Variants in IGSF21 observed in about 807,000 individuals in gnomAD.
IGSF21 encodes immunoglobulin superfamily member 21.
In IGSF21, 28 loss-of-function variants were observed where a neutral mutation model predicts 46.8. The ratio of observed to expected loss-of-function variants is 0.60; its 90% confidence interval spans 0.44 to 0.82. The LOEUF (loss-of-function observed/expected upper bound fraction) is 0.82, where lower values mean the gene tolerates loss of function less well. Ranked by LOEUF, IGSF21 falls within the 40% of genes least tolerant of loss-of-function variation. The probability of loss-of-function intolerance (pLI) is 0.00; values close to 1 mark genes in which losing one functional copy is unlikely to be tolerated. For missense variants in IGSF21, 624 were observed against 665.5 expected (o/e 0.94, Z 0.69); for synonymous variants, 284 against 273.6 (o/e 1.04, Z -0.38).
At chr1:18,330,956 G>A (rs851444) in intron 3 of IGSF21, among the ~76,000 whole-genome samples, 77,038 of 151,982 alleles carry the variant, frequency 0.51, 19,740 homozygotes, top group South Asian at 0.61. Flanking sequence ...CCCGAAATCC[G>A]TAGTTCACAG....
At chr1:18,321,808 T>G (rs746029454) in intron 3 of IGSF21, among the ~76,000 whole-genome samples, 7 of 152,180 alleles carry the variant, frequency 4.6e-5, no homozygotes, top group Non-Finnish European at 8.8e-5. Flanking sequence ...GTAGCAGGTA[T>G]CAGCTCTGGA....
chr1:18,143,755 T>G (rs1007594370), intron 1 of IGSF21, among the ~76,000 whole-genome samples: 1 of 152,144 alleles, frequency 6.6e-6, no homozygotes, highest in East Asian at 1.9e-4. Flanking sequence ...TGCCTTCCCT[T>G]CTATGTCTCT....
At chr1:18,303,083 C>A (rs1289406394) in intron 3 of IGSF21, among the ~76,000 whole-genome samples, 1 of 152,134 alleles carries the variant, frequency 6.6e-6, no homozygotes, top group Non-Finnish European at 1.5e-5. Context: ...GCCTGGGGCC[C>A]CCAACCACCA....
chr1:18,338,628 C>T (rs572402173), intron 4 of IGSF21, among the ~76,000 whole-genome samples: 10 of 152,292 alleles, frequency 6.6e-5, no homozygotes, highest in African/African-American at 2.4e-4. Context: ...CACATTCTAA[C>T]GCGGCCATTT....
chr1:18,309,666 C>T (rs1438509101), intron 3 of IGSF21, among the ~76,000 whole-genome samples: 1 of 152,176 alleles, frequency 6.6e-6, no homozygotes, highest in Admixed American at 6.5e-5. Flanking sequence ...TTCTCTCCAC[C>T]GCCTCTAGCC....
chr1:18,117,018 C>A (rs552545288), intron 1 of IGSF21, among the ~76,000 whole-genome samples: 10 of 152,144 alleles, frequency 6.6e-5, no homozygotes, highest in Non-Finnish European at 1.3e-4. Context: ...GCTAGGAAAG[C>A]GGTCTGGATT....
intron 1 of IGSF21, among the ~76,000 whole-genome samples, chr1:18,175,657 G>A (rs1335026663): frequency 3.3e-5 from 5 of 152,070 alleles, no homozygotes; most frequent in African/African-American, 1.2e-4. Flanking sequence ...GGGTCCCTTG[G>A]GCAGAGGCTG....
intron 3 of IGSF21, among the ~76,000 whole-genome samples, chr1:18,310,065 G>C (rs2085474093): frequency 6.6e-6 from 1 of 152,186 alleles, no homozygotes; most frequent in Admixed American, 6.5e-5. Context: ...GCCTGTGGCT[G>C]CATGTGCCTC....
In IGSF21 at chr1:18,287,700, C is replaced by G. The variant is rs79135947; in HGVS notation, c.184-4166C>G. Among the ~76,000 whole-genome samples, 1,099 of 152,272 alleles carry G rather than the reference C, an allele frequency of 7.2e-3. 17 individuals carry two copies. The highest frequency in any genetic ancestry group is 0.025 in the African/African-American group (1,040 of 41,558). The stretch of plus-strand genomic sequence containing the variant: ...TCTCAGAGCCCATGAGACCTGCCTG[C>G]CTCCAGGTACTCACTCAGGGCATCC... On this transcript the variant is annotated intron_variant, in intron 2 of 9. Coordinates refer to ENST00000251296, the MANE Select transcript of IGSF21 (RefSeq NM_032880.5).
rs535228456 is a variant in IGSF21, at chr1:18,219,957, A to G, written c.71-7941A>G. ...TCATGGCAAGGAAATGGGAGAAGCC[A>G]GGAAGATAGGACAAAAGCTCAGCTC... On this transcript the variant is annotated intron_variant, in intron 1 of 9. Transcript: ENST00000251296. 1.8e-4 allele frequency among the ~76,000 whole-genome samples: 27 copies of G among 152,344 alleles called. 2 individuals are homozygous for G. The South Asian group carries it at 5.4e-3, about 30-fold the overall frequency.
chr1:18,295,531 G>A (rs2085304228), intron 3 of IGSF21, among the ~76,000 whole-genome samples: 1 of 152,226 alleles, frequency 6.6e-6, no homozygotes, highest in Admixed American at 6.5e-5. Flanking sequence ...TACCGGGAAG[G>A]AATGAGATGC....
At chr1:18,286,721 C>T (rs572447283) in intron 2 of IGSF21, among the ~76,000 whole-genome samples, 20 of 152,304 alleles carry the variant, frequency 1.3e-4, no homozygotes, top group African/African-American at 4.3e-4. Context: ...CAGTCTGTAT[C>T]GCAGAGCAGC....
intron 2 of IGSF21, among the ~76,000 whole-genome samples, chr1:18,269,143 A>G (rs1483820872): frequency 6.6e-6 from 1 of 152,174 alleles, no homozygotes; most frequent in African/African-American, 2.4e-5. Flanking sequence ...GCAGCTTTGC[A>G]AACAGAGGGT....
intron 2 of IGSF21, among the ~76,000 whole-genome samples, chr1:18,273,420 C>CTTTCT (rs2085065064): frequency 1.9e-4 from 20 of 104,504 alleles, no homozygotes; most frequent in Non-Finnish European, 3.4e-4. Flanking sequence ...CTTTCTTTTC[C>CTTTCT]TTTCCTTTCC....
rs1309514653 is a variant in IGSF21 at position 18,140,178 on chromosome 1, A to G, written c.70+31980A>G. ...GCCCAAGCTGGTCTCAAACTTGTAGACTCAAGCGATTCTCTCCACTCGGCA... is the reference window on the plus strand; with the variant it reads ...GCCCAAGCTGGTCTCAAACTTGTAGGCTCAAGCGATTCTCTCCACTCGGCA... On this transcript the variant is annotated intron_variant, in intron 1 of 9. Coordinates refer to ENST00000251296, the MANE Select transcript of IGSF21 (RefSeq NM_032880.5). Among the ~76,000 whole-genome samples, 7 of 152,128 alleles carry G rather than the reference A, an allele frequency of 4.6e-5. No homozygotes were observed. The East Asian group carries it at 1.4e-3, about 29-fold the overall frequency.
At chr1:18,196,105 G>GC (rs201780193) in intron 1 of IGSF21, among the ~76,000 whole-genome samples, 2,332 of 152,256 alleles carry the variant, frequency 0.015, 60 homozygotes, top group African/African-American at 0.053. Flanking sequence ...TTCATCCTGG[G>GC]GTATCCCTTC....
chr1:18,367,603 CT>C (rs35019096), intron 6 of IGSF21, among the ~76,000 whole-genome samples: 1,665 of 73,898 alleles, frequency 0.023, 25 homozygotes, highest in East Asian at 0.13. Flanking sequence ...CTCTCTCTCT[CT>C]TTTTTTTTTT....
chr1:18,327,148 T>C (rs1254691262), intron 3 of IGSF21, among the ~76,000 whole-genome samples: 2 of 152,138 alleles, frequency 1.3e-5, no homozygotes, highest in African/African-American at 4.8e-5. Flanking sequence ...GCACACACAA[T>C]TCCAACAGGA....
intron 4 of IGSF21, among the ~76,000 whole-genome samples, chr1:18,340,216 C>CA (rs35610389): frequency 0.013 from 1,865 of 143,408 alleles, 28 homozygotes; most frequent in African/African-American, 0.044. Flanking sequence ...ACAAGGAGGA[C>CA]AAAAAAAAAA....
Sources: allele counts gnomAD v4.1 joint callset (sites outside exome capture counted in the v4.1 genomes callset), GRCh38; gene constraint gnomAD v4.1.1; transcripts MANE v1.5; gene names NCBI Gene and HGNC (gene_info 2026-07-23, HGNC 2026-07-21).